The following SNRPN variants were observed in gnomAD, a reference collection of about 807,000 sequenced individuals.
The protein encoded by SNRPN is small nuclear ribonucleoprotein polypeptide N.
In SNRPN, 7 loss-of-function variants were observed where a neutral mutation model predicts 25.2. That is an observed-to-expected ratio of 0.28 (90% CI 0.16 to 0.52). The LOEUF is 0.52. Ranked by LOEUF, SNRPN falls within the 20% of genes least tolerant of loss-of-function variation. The probability of loss-of-function intolerance (pLI) is 0.96; values close to 1 mark genes in which losing one functional copy is unlikely to be tolerated. For missense variants in SNRPN, 196 were observed against 322.5 expected (o/e 0.61, Z 3.00); for synonymous variants, 124 against 110.6 (o/e 1.12, Z -0.76).
chr15:24,868,103 G>A, intron 1 of SNRPN, among the ~76,000 whole-genome samples: 1 of 146,634 alleles, frequency 6.8e-6, no homozygotes, highest in Middle Eastern at 3.2e-3. Context: ...GTGTGTGCAT[G>A]TATATGGGTG....
intron 3 of SNRPN, among the ~76,000 whole-genome samples, chr15:24,925,291 A>G (rs1003957085): frequency 6.6e-6 from 1 of 152,094 alleles, no homozygotes; most frequent in Non-Finnish European, 1.5e-5. Flanking sequence ...AATAAGCTAT[A>G]AGCTTTTTTT....
At chr15:24,843,788 A>AACAC (rs56693061) in intron 2 of SNRPN, among the ~76,000 whole-genome samples, 15,138 of 139,792 alleles carry the variant, frequency 0.11, 1,008 homozygotes, top group Middle Eastern at 0.19. Flanking sequence ...CTCCATCACA[A>AACAC]ACACACACAC....
chr15:24,952,882 G>A (rs2062391391), upstream of SNRPN, among the ~76,000 whole-genome samples: 1 of 152,084 alleles, frequency 6.6e-6, no homozygotes, highest in African/African-American at 2.4e-5. Context: ...TTTGTGGCAT[G>A]TAAGTTTGGT....
At chr15:24,953,905 C>T (rs2062477337), upstream of SNRPN, among the ~76,000 whole-genome samples, 1 of 152,102 alleles carries the variant, frequency 6.6e-6, no homozygotes, top group Non-Finnish European at 1.5e-5. Context: ...ATTGATAAGC[C>T]TCTGCGCACC....
At chr15:24,926,722 G>T (rs773286127) in intron 3 of SNRPN, among the ~76,000 whole-genome samples, 3 of 151,976 alleles carry the variant, frequency 2.0e-5, no homozygotes, top group Non-Finnish European at 4.4e-5. Context: ...AAGAATATTA[G>T]TAGCAGGTGT....
intron 2 of SNRPN, among the ~76,000 whole-genome samples, chr15:24,965,643 A>G (rs2075505279): frequency 1.3e-5 from 2 of 152,324 alleles, no homozygotes; most frequent in South Asian, 2.1e-4. Context: ...TGGATGATGT[A>G]TCGTGAGTTC....
chr15:24,911,182 G>A (rs1387745833), intron 2 of SNRPN: 2 of 487,208 alleles, frequency 4.1e-6, no homozygotes, highest in Non-Finnish European at 6.8e-6. Flanking sequence ...ATTTTTAAAG[G>A]GAAGTTGAAC....
At chr15:24,967,893 G>A (rs2075890520) in intron 2 of SNRPN, 39 bp from the exon 3 acceptor site, 1 of 1,507,174 alleles carries the variant, frequency 6.6e-7, no homozygotes, top group African/African-American at 1.4e-5. Flanking sequence ...AAAGACAAAT[G>A]TATTTTTATC....
intron 2 of SNRPN, among the ~76,000 whole-genome samples, chr15:24,848,025 A>G (rs2052356403): frequency 6.6e-6 from 1 of 151,942 alleles, no homozygotes; most frequent in Non-Finnish European, 1.5e-5. Context: ...TTCCACTCTG[A>G]TGGAGAAGTC....
intron 3 of SNRPN, among the ~76,000 whole-genome samples, chr15:24,947,932 C>T (rs762527664): frequency 4.7e-4 from 72 of 151,710 alleles, no homozygotes; most frequent in Non-Finnish European, 9.1e-4. Context: ...ACCTCCCATT[C>T]TTTTTTTATT....
At chr15:24,943,428 C>G (rs1226720304) in intron 3 of SNRPN, among the ~76,000 whole-genome samples, 1 of 152,098 alleles carries the variant, frequency 6.6e-6, no homozygotes, top group East Asian at 1.9e-4. Flanking sequence ...GCCATAGGTG[C>G]AGCTGGGATA....
rs558321043 is a variant in SNRPN at position 24,940,042 on chromosome 15, G to A, written c.-391+19918G>A. Among the ~76,000 whole-genome samples, 213 of 152,192 alleles carry A rather than the reference G, an allele frequency of 1.4e-3. 2 individuals carry two copies. Among genetic ancestry groups the A allele is most frequent in the South Asian group, 6.2e-3 (30 of 4,816 alleles). Reference sequence around the variant, plus strand: ...TGGCCTCCTGTGATTCACTCACCTTGGCCTCCCCAAATGCTAGGCTTACAG... The same window carrying A: ...TGGCCTCCTGTGATTCACTCACCTTAGCCTCCCCAAATGCTAGGCTTACAG... On this transcript the variant is annotated intron_variant, in intron 3 of 11. Transcript: ENST00000400097.
rs375510236 is a variant in SNRPN at position 24,967,951 on chromosome 15, C to A, written c.-275C>A. 3 of 1,613,976 alleles carry A rather than the reference C, an allele frequency of 1.9e-6. No homozygotes were observed. Among genetic ancestry groups the A allele is most frequent in the South Asian group, 2.2e-5 (2 of 91,082 alleles). ...TTGTAGGTGTCAGTTGTACCCGAGG[C>A]GTTCTCAGCAGCAGCAAGTACCTGT... On this transcript the variant is annotated 5_prime_UTR_variant, in exon 3 of 10. Transcript: ENST00000390687.
At chr15:24,936,460 ATAGT>A (rs1007028017) in intron 3 of SNRPN, among the ~76,000 whole-genome samples, 23 of 152,260 alleles carry the variant, frequency 1.5e-4, no homozygotes, top group African/African-American at 4.3e-4. Context: ...GGGCCTAGTG[ATAGT>A]TAGGTCAGGA....
At chr15:24,834,670 A>G (rs1031594624) in intron 2 of SNRPN, among the ~76,000 whole-genome samples, 2 of 148,444 alleles carry the variant, frequency 1.3e-5, no homozygotes, top group Non-Finnish European at 3.0e-5. Context: ...AGCTGTGATC[A>G]TGATCAGGTC....
rs61039873 is a variant in SNRPN at position 24,884,148 on chromosome 15, C to CAAAAAAAAAAAAAAAAA, written c.-578-2352_-578-2351insAAAAAAAAAAAAAAAAA. On this transcript the variant is annotated intron_variant, in intron 1 of 11. Transcript: ENST00000400097. ...GCAACATGGCATAACCCTGCCTCTA[C>CAAAAAAAAAAAAAAAAA]AAAAAAAAAAAAAAAAGATCTATAT... is the stretch of plus-strand genomic sequence containing the variant. 1.9e-3 allele frequency among the ~76,000 whole-genome samples: 197 copies of CAAAAAAAAAAAAAAAAA among 104,778 alleles called. 17 individuals are homozygous for CAAAAAAAAAAAAAAAAA. Among genetic ancestry groups the CAAAAAAAAAAAAAAAAA allele is most frequent in the African/African-American group, 6.9e-3 (178 of 25,828 alleles). The allele number at this position is 104,778 out of a possible 152,430, so 68.7% of individuals were successfully genotyped here.
At chr15:24,900,142 G>C (rs2058359471) in intron 2 of SNRPN, among the ~76,000 whole-genome samples, 1 of 152,206 alleles carries the variant, frequency 6.6e-6, no homozygotes, top group Admixed American at 6.5e-5. Context: ...TGGCAGTCAA[G>C]ATAACTGTAA....
At chr15:24,974,228 C>T in intron 3 of SNRPN, 83 bp from the exon 4 acceptor site, 1 of 569,750 alleles carries the variant, frequency 1.8e-6, no homozygotes, top group South Asian at 2.1e-5. Flanking sequence ...ACGTGTCTGT[C>T]ATAGTGATTT....
At chr15:24,910,957 C>T in intron 2 of SNRPN, 1 of 893,500 alleles carries the variant, frequency 1.1e-6, no homozygotes, top group Non-Finnish European at 1.8e-6. Flanking sequence ...CAGCAGCCAA[C>T]ACCCAAAACC....
Sources: gnomAD v4.1 joint callset for allele counts (sites outside exome capture counted in the v4.1 genomes callset) on GRCh38, gnomAD v4.1.1 for gene constraint, MANE v1.5 for transcripts, NCBI Gene and HGNC (gene_info 2026-07-23, HGNC 2026-07-21) for gene names.